Variants in KLHL35 observed in about 807,000 individuals in gnomAD.
The protein encoded by KLHL35 is kelch like family member 35, also known as kelch-like protein 35.
In KLHL35, 50 loss-of-function variants were observed where a neutral mutation model predicts 44.0. The ratio of observed to expected loss-of-function variants is 1.14; its 90% CI spans 0.91 to 1.44. The LOEUF is 1.44. Ranked by LOEUF, KLHL35 falls within the 40% of genes most tolerant of loss-of-function variation. KLHL35 has a pLI of 0.00. For missense variants in KLHL35, 1,049 were observed against 887.8 expected, an observed-to-expected ratio of 1.18 and a Z score of -2.31; for synonymous variants, 470 against 410.4, an observed-to-expected ratio of 1.15 and a Z score of -1.76.
intron 2 of KLHL35, 153 bp from the exon 3 acceptor site, chr11:75,428,779 C>G (rs1592039259): frequency 1.6e-6 from 1 of 615,434 alleles, no homozygotes; most frequent in Non-Finnish European, 2.7e-6. Context: ...CCCGCTAGAC[C>G]CTGCCACTTC....
intron 2 of KLHL35, among the ~76,000 whole-genome samples, chr11:75,429,086 G>C (rs1948513484): frequency 6.6e-6 from 1 of 152,104 alleles, no homozygotes; most frequent in African/African-American, 2.4e-5. Flanking sequence ...TCCAACCGCT[G>C]ATTCTGCTGC....
intron 2 of KLHL35, 123 bp from the exon 3 acceptor site, chr11:75,428,749 C>A: frequency 1.2e-6 from 1 of 827,220 alleles, no homozygotes; most frequent in South Asian, 1.9e-5. Context: ...CCCCCGCCCA[C>A]CCGATCCCCC....
intron 4 of KLHL35, 39 bp from the exon 5 acceptor site, chr11:75,425,620 G>A (rs1948485005): frequency 1.4e-6 from 2 of 1,422,394 alleles, no homozygotes; most frequent in African/African-American, 1.5e-5. Context: ...CGGGTGCCAG[G>A]GCCTTAGGGC....
Position 75,430,387 on chromosome 11 carries a change from C to T in KLHL35, c.243G>A (p.Val81=). Residue 81 remains valine, a synonymous_variant, in exon 2 of 7, where the codon GTG becomes GTA. Coordinates refer to ENST00000539798, the MANE Select transcript of KLHL35 (RefSeq NM_001039548.3). ...CGGGAGCTACTGGCACCACTGGCACCACGGCCGGGCCGCGCTCGGGCCGCC... is the reference window on the plus strand; with the variant it reads ...CGGGAGCTACTGGCACCACTGGCACTACGGCCGGGCCGCGCTCGGGCCGCC... ...AAGRPERGPA[V]VPVVPVAPEA... 4.4e-6 allele frequency: 6 copies of T among 1,363,666 alleles called. No homozygotes were observed. The highest frequency in any genetic ancestry group is 5.7e-6 in the Non-Finnish European group (6 of 1,055,558). 84.5% of individuals were successfully genotyped at this position (1,363,666 alleles called of 1,614,324 possible). A position where few individuals can be genotyped will look rare whatever the true frequency, so the allele number is the denominator to read the frequency against.
chr11:75,430,149 C>A lies in KLHL35; in HGVS notation c.481G>T (p.Val161Leu), dbSNP rs1167439179. The change falls in exon 2 of 7, where the codon GTG becomes TTG. Residue 161 changes from valine to leucine, a missense_variant. Coordinates refer to ENST00000539798, the MANE Select transcript of KLHL35 (RefSeq NM_001039548.3). ...RAANSLALRR[V>L]AAAFSLAPLA... Reference sequence around the variant, plus strand: ...GGGGCCAGCGAGAAGGCGGCGGCCACGCGGCGCAGCGCTAGGCTGTTGGCG... The same window carrying A: ...GGGGCCAGCGAGAAGGCGGCGGCCAAGCGGCGCAGCGCTAGGCTGTTGGCG... The A allele has an allele frequency of 4.8e-6, 6 of 1,245,984 alleles. No individual in the cohort carries two copies. The African/African-American group carries it at 9.5e-5, about 20-fold the overall frequency. 77.2% of individuals were successfully genotyped at this position (1,245,984 alleles called of 1,614,324 possible).
At position 75,422,658 on chromosome 11, in the gene KLHL35, C is replaced by T. The variant is rs766097898; in HGVS notation, c.1674G>A (p.Gln558=). Residue 558 remains glutamine (Q), a synonymous_variant, in exon 7 of 7, where the codon CAG becomes CAA. Transcript: ENST00000539798. ...GCTGCAGGGATGGCTGGACCTCCAC[C>T]TGCCCACTGCTGGGGTCAAAGGTGA... ...KVFTFDPSSG[Q]VEVQPSLQRC... is the part of the protein sequence containing the mutation. 1.2e-6 allele frequency: 2 copies of T among 1,613,916 alleles called. No individual in the cohort carries two copies. Among genetic ancestry groups the T allele is most frequent in the East Asian group, 2.2e-5 (1 of 44,896 alleles).
At chr11:75,431,261 C>T (rs377306546) in intron 1 of KLHL35, among the ~76,000 whole-genome samples, 2 of 152,232 alleles carry the variant, frequency 1.3e-5, no homozygotes, top group Non-Finnish European at 2.9e-5. Context: ...ACTGACCACA[C>T]CCTGAGCACT....
chr11:75,428,361 T>C (rs995219823), intron 3 of KLHL35, 81 bp downstream of exon 3: 23 of 1,476,190 alleles, frequency 1.6e-5, no homozygotes, highest in Middle Eastern at 4.1e-4. Flanking sequence ...TCTCTCCCGA[T>C]TGGAGGGAAA....
At position 75,425,568 on chromosome 11, in the gene KLHL35, C is replaced by T; in HGVS notation, c.1199G>A (p.Gly400Asp). The T allele has an allele frequency of 4.7e-6, 7 of 1,483,548 alleles. No individual in the cohort carries two copies. The highest frequency in any genetic ancestry group is 5.3e-6 in the Non-Finnish European group (6 of 1,123,998). 91.9% of individuals were successfully genotyped at this position (1,483,548 alleles called of 1,614,324 possible). Residue 400 changes from glycine to aspartate, a missense_variant, in exon 5 of 7, where the codon GGT (glycine) becomes GAT (aspartate). By Grantham distance (94) the Gly-to-Asp change is moderately conservative. Transcript: ENST00000539798. The part of the protein sequence containing the change: ...AVVQGQLFAV[G>D]GFDGLRRLHS... ...CAGGCGCCTCAGGCCGTCGAAGCCA[C>T]CCACCGCGAACAGCTGCAAGTGAGG... is the stretch of plus-strand genomic sequence containing the variant.
In KLHL35 at chr11:75,429,938, CG is replaced by C; in HGVS notation, c.691del (p.Arg231AlafsTer68). ...MRWVRHDAPA[R>X]RGQLRRLLEH... ...CAGCAGGCGTCGCAGCTGGCCGCGG[CG>C]GGCCGGCGCGTCGTGGCGCACCCAG... On this transcript the variant is annotated frameshift_variant, in exon 2 of 7. Transcript: ENST00000539798. LOFTEE classifies it high-confidence loss of function. 1 of 1,457,162 alleles carries C rather than the reference CG, an allele frequency of 6.9e-7. No homozygotes were observed. Among genetic ancestry groups the C allele is most frequent in the South Asian group, 1.3e-5 (1 of 74,770 alleles). The allele number at this position is 1,457,162 out of a possible 1,614,324, so 90.3% of individuals were successfully genotyped here.
At chr11:75,424,100 A>G (rs1309900831) in intron 5 of KLHL35, 1 of 498,558 alleles carries the variant, frequency 2.0e-6, no homozygotes, top group Non-Finnish European at 3.5e-6. Context: ...CTGCCTCTGG[A>G]CTCCCTTTGT....
intron 3 of KLHL35, among the ~76,000 whole-genome samples, chr11:75,427,249 C>T (rs924607569): frequency 1.3e-5 from 2 of 152,216 alleles, no homozygotes; most frequent in African/African-American, 2.4e-5. Context: ...GAGCTTCTGG[C>T]TCCAGGCCCA....
chr11:75,423,918 C>A (rs775928456), intron 5 of KLHL35, 38 bp from the exon 6 acceptor site: 3 of 1,482,546 alleles, frequency 2.0e-6, no homozygotes, highest in Non-Finnish European at 2.7e-6. Flanking sequence ...GACTCACCGC[C>A]CCCCCCAACA....
At chr11:75,423,634 C>T (rs1020757058) in intron 6 of KLHL35, 58 bp downstream of exon 6, 8 of 1,452,512 alleles carry the variant, frequency 5.5e-6, no homozygotes, top group East Asian at 4.5e-5. Context: ...TTCACAAGCT[C>T]CAAGATCCAG....
In KLHL35 at chr11:75,433,150, C is replaced by T. The variant is rs2135088205; in HGVS notation, c.-109G>A. On this transcript the variant is annotated 5_prime_UTR_variant, in exon 1 of 7. Transcript: ENST00000539798. ...GGCAGCCCAAGCTCCAGTGTTCATG[C>T]TGCTCTGCCCAGACTCCCGTTTGCT... 1.3e-5 allele frequency among the ~76,000 whole-genome samples: 2 copies of T among 152,328 alleles called. No individual in the cohort carries two copies. The highest frequency in any genetic ancestry group is 1.3e-4 in the Admixed American group (2 of 15,300).
At chr11:75,428,368 GA>G in intron 3 of KLHL35, 73 bp downstream of exon 3, 1 of 1,538,198 alleles carries the variant, frequency 6.5e-7, no homozygotes. Flanking sequence ...CGATTGGAGG[GA>G]AAAGCAAAGG....
Position 75,428,582 on chromosome 11 carries a change from TCG to T in KLHL35, c.924_925del (p.Cys308Ter). 6.2e-7 allele frequency: 1 copy of T among 1,605,108 alleles called. No individual in the cohort carries two copies. The highest frequency in any genetic ancestry group is 8.5e-7 in the Non-Finnish European group (1 of 1,176,058). On this transcript the variant is annotated stop_gained and frameshift_variant, in exon 3 of 7. Coordinates refer to ENST00000539798, the MANE Select transcript of KLHL35 (RefSeq NM_001039548.3). LOFTEE classifies it high-confidence loss of function. ...GGGCAGCTTCAGGAGACCTTTGCGG[TCG>T]CAACCGCCGATGACCACGATCACTT...
chr11:75,427,874 C>A (rs949084936), intron 3 of KLHL35, among the ~76,000 whole-genome samples: 8 of 152,210 alleles, frequency 5.3e-5, no homozygotes, highest in Admixed American at 2.6e-4. Flanking sequence ...TCTGGGGACT[C>A]TGAGAATTCT....
rs773715185 is a variant in KLHL35 at position 75,425,539 on chromosome 11, T to C, written c.1228A>G (p.Ser410Gly). 1 of 1,513,486 alleles carries C rather than the reference T, an allele frequency of 6.6e-7. No homozygotes were observed. The allele number at this position is 1,513,486 out of a possible 1,614,324, so 93.8% of individuals were successfully genotyped here. Residue 410 changes from serine to glycine, a missense_variant, in exon 5 of 7, where the codon AGC (serine) becomes GGC (glycine). Physicochemically the swap from Ser to Gly is moderately conservative, Grantham distance 56. Transcript: ENST00000539798. ...GAGAAGGGGTCGTAGCGCTCCACGC[T>C]GTGCAGGCGCCTCAGGCCGTCGAAG... ...GGFDGLRRLH[S>G]VERYDPFSNT...
Sources: allele counts gnomAD v4.1 joint callset (sites outside exome capture counted in the v4.1 genomes callset), GRCh38; gene constraint gnomAD v4.1.1; transcripts MANE v1.5; gene names NCBI Gene and HGNC (gene_info 2026-07-23, HGNC 2026-07-21).